RPRD1B: variants seen among roughly 807,000 people sequenced by gnomAD.
RPRD1B encodes regulation of nuclear pre-mRNA domain-containing protein 1B.
Under a neutral mutation model 41.5 loss-of-function variants are expected in RPRD1B, and 11 were observed. The observed-to-expected ratio is 0.27, with a 90% confidence interval of 0.17 to 0.44. The LOEUF is 0.44. Ranked by LOEUF, RPRD1B falls within the 20% of genes least tolerant of loss-of-function variation. The probability of loss-of-function intolerance (pLI) is 1.00; values close to 1 mark genes in which losing one functional copy is unlikely to be tolerated. For missense variants in RPRD1B, 248 were observed against 389.9 expected (o/e 0.64, Z 3.06); for synonymous variants, 158 against 155.6 (o/e 1.02, Z -0.12).
chr20:38,090,541 T>C lies in RPRD1B; in HGVS notation c.*666T>C. The C allele has an allele frequency of 1.0e-6, 1 of 985,902 alleles. No individual in the cohort carries two copies. Among genetic ancestry groups the C allele is most frequent in the Non-Finnish European group, 1.2e-6 (1 of 829,936 alleles). The allele number at this position is 985,902 out of a possible 1,614,324, so 61.1% of individuals were successfully genotyped here. A position where few individuals can be genotyped will look rare whatever the true frequency, so the allele number is the denominator to read the frequency against. The stretch of plus-strand genomic sequence containing the variant: ...ATAAAGGCACAGTTCAGAGACAGAA[T>C]AACAGGGATCACAAGCATGAATTAA... On this transcript the variant is annotated 3_prime_UTR_variant, in exon 7 of 7. Transcript: ENST00000373433.
chr20:38,090,135 C>T lies in RPRD1B; in HGVS notation c.*260C>T, dbSNP rs541371626. On this transcript the variant is annotated 3_prime_UTR_variant, in exon 7 of 7. Coordinates refer to ENST00000373433, the MANE Select transcript of RPRD1B (RefSeq NM_021215.4). ...TCTCCCACTTCATATTTTCATGCCC[C>T]CCTGTTGGTTTTCCATTCTTAACTG... 6.2e-5 allele frequency: 73 copies of T among 1,182,068 alleles called. No individual in the cohort carries two copies. Among genetic ancestry groups the T allele is most frequent in the Middle Eastern group, 3.5e-4 (1 of 2,890 alleles). The allele number at this position is 1,182,068 out of a possible 1,614,324, so 73.2% of individuals were successfully genotyped here. A position where few individuals can be genotyped will look rare whatever the true frequency, so the allele number is the denominator to read the frequency against.
At chr20:38,079,804 C>T (rs1396777860) in intron 6 of RPRD1B, among the ~76,000 whole-genome samples, 2 of 152,194 alleles carry the variant, frequency 1.3e-5, no homozygotes, top group East Asian at 1.9e-4. Context: ...CTCCAGACTG[C>T]TTTCCACAGT....
intron 5 of RPRD1B, among the ~76,000 whole-genome samples, chr20:38,063,251 C>T (rs2074318842): frequency 1.3e-5 from 2 of 152,194 alleles, no homozygotes; most frequent in East Asian, 1.9e-4. Context: ...TGATCCCCCC[C>T]ACCTTCCAGT....
chr20:38,084,598 T>A (rs886842232), intron 6 of RPRD1B, among the ~76,000 whole-genome samples: 3 of 152,198 alleles, frequency 2.0e-5, no homozygotes, highest in African/African-American at 4.8e-5. Flanking sequence ...CAGGTCTGGC[T>A]TACTTCTCTA....
At chr20:38,087,756 T>A (rs1215433605) in intron 6 of RPRD1B, among the ~76,000 whole-genome samples, 7 of 152,164 alleles carry the variant, frequency 4.6e-5, no homozygotes, top group Non-Finnish European at 7.3e-5. Flanking sequence ...ATCCTCAAAT[T>A]TGAAAATAGT....
rs1009372282 is a variant in RPRD1B at position 38,066,095 on chromosome 20, G to A, written c.670G>A (p.Glu224Lys). Residue 224 changes from glutamate (E) to lysine (K), a missense_variant, in exon 6 of 7, where the codon GAA (glutamate) becomes AAA (lysine). Physicochemically the swap from Glu to Lys is moderately conservative, Grantham distance 56. Transcript: ENST00000373433. ...LEKITDKEAA[E>K]RLSKTVDEAC... ...TTTGTACTTAGACAAAGAGGCAGCT[G>A]AACGTCTTTCAAAAACAGTAGATGA... is the stretch of plus-strand genomic sequence containing the variant. 6.2e-7 allele frequency: 1 copy of A among 1,613,990 alleles called. No homozygotes were observed. Among genetic ancestry groups the A allele is most frequent in the African/African-American group, 1.3e-5 (1 of 74,906 alleles).
At chr20:38,071,802 G>T (rs757967109) in intron 6 of RPRD1B, among the ~76,000 whole-genome samples, 1 of 152,130 alleles carries the variant, frequency 6.6e-6, no homozygotes, top group Non-Finnish European at 1.5e-5. Context: ...TCATCTTTCA[G>T]TATGCTTGTC....
Position 38,067,230 on chromosome 20 carries a change from G to A in RPRD1B, c.831+974G>A, listed in dbSNP as rs115748780. ...GTACTTGCTCCCGTGGGATAACAGAGCCAGCAGTGTGGATTTTTGGGAACT... is the reference window on the plus strand; with the variant it reads ...GTACTTGCTCCCGTGGGATAACAGAACCAGCAGTGTGGATTTTTGGGAACT... On this transcript the variant is annotated intron_variant, in intron 6 of 6. Coordinates refer to ENST00000373433, the MANE Select transcript of RPRD1B (RefSeq NM_021215.4). Among the ~76,000 whole-genome samples, 1,267 of 152,292 alleles carry A rather than the reference G, an allele frequency of 8.3e-3. 10 individuals carry two copies. The highest frequency in any genetic ancestry group is 0.025 in the African/African-American group (1,039 of 41,556).
chr20:38,091,076 A>G lies in RPRD1B; in HGVS notation c.*1201A>G. 1.0e-6 allele frequency: 1 copy of G among 985,828 alleles called. No homozygotes were observed. Among genetic ancestry groups the G allele is most frequent in the Non-Finnish European group, 1.2e-6 (1 of 829,906 alleles). The allele number at this position is 985,828 out of a possible 1,614,324, so 61.1% of individuals were successfully genotyped here. A position where few individuals can be genotyped will look rare whatever the true frequency, so the allele number is the denominator to read the frequency against. Reference sequence around the variant, plus strand: ...TATAATGTAGTTAGAGACAATTTTTATCTTGCTTATAGTAAAGGTTCAGCC... The same window carrying G: ...TATAATGTAGTTAGAGACAATTTTTGTCTTGCTTATAGTAAAGGTTCAGCC... On this transcript the variant is annotated 3_prime_UTR_variant, in exon 7 of 7. Transcript: ENST00000373433.
At chr20:38,044,946 T>A (rs2074106494) in intron 2 of RPRD1B, among the ~76,000 whole-genome samples, 1 of 152,172 alleles carries the variant, frequency 6.6e-6, no homozygotes, top group Non-Finnish European at 1.5e-5. Context: ...TACAAATTAC[T>A]GTGGTTGTAC....
chr20:38,089,791 C>T lies in RPRD1B; in HGVS notation c.897C>T (p.Ser299=), dbSNP rs1568666122. The T allele has an allele frequency of 1.2e-6, 2 of 1,614,218 alleles. No individual in the cohort carries two copies. Among genetic ancestry groups the T allele is most frequent in the Non-Finnish European group, 1.7e-6 (2 of 1,180,038 alleles). Residue 299 remains serine (S), a synonymous_variant, in exon 7 of 7, where the codon AGC becomes AGT. Transcript: ENST00000373433. The stretch of plus-strand genomic sequence containing the variant: ...AGGAACTGAAATCCCATATTCAGAG[C>T]TTGCCAGACCTCTCACTGCTGCCCA... ...VRKELKSHIQ[S]LPDLSLLPNV...
At chr20:38,055,416 A>G (rs1056911526) in intron 3 of RPRD1B, among the ~76,000 whole-genome samples, 2 of 151,090 alleles carry the variant, frequency 1.3e-5, no homozygotes, top group Admixed American at 1.3e-4. Context: ...TGCTTTCAGT[A>G]TTGTAAAATA....
chr20:38,043,287 T>G lies in RPRD1B; in HGVS notation c.281+2723T>G, dbSNP rs147545573. The stretch of plus-strand genomic sequence containing the variant: ...CTTAAGGCAGAGATCATCTTGGCCT[T>G]CTAAGAGAAACAGAATGAAGGCTGG... On this transcript the variant is annotated intron_variant, in intron 2 of 6. Coordinates refer to ENST00000373433, the MANE Select transcript of RPRD1B (RefSeq NM_021215.4). Among the ~76,000 whole-genome samples, 1,086 of 152,242 alleles carry G rather than the reference T, an allele frequency of 7.1e-3. 5 individuals carry two copies. The highest frequency in any genetic ancestry group is 0.021 in the African/African-American group (868 of 41,526).
intron 3 of RPRD1B, among the ~76,000 whole-genome samples, chr20:38,056,331 C>T (rs2074240415): frequency 6.6e-6 from 1 of 151,938 alleles, no homozygotes; most frequent in Non-Finnish European, 1.5e-5. Flanking sequence ...GCGGAAGTTG[C>T]AGTGAGCTGA....
intron 6 of RPRD1B, among the ~76,000 whole-genome samples, chr20:38,069,339 C>G (rs2074389399): frequency 6.6e-6 from 1 of 152,104 alleles, no homozygotes; most frequent in African/African-American, 2.4e-5. Flanking sequence ...ACCACTTGAT[C>G]GTACATAATG....
In RPRD1B at chr20:38,074,985, T is replaced by G. The variant is rs181679887; in HGVS notation, c.831+8729T>G. ...CTTGTAAATAAAAACTTTATAAACATTGTAAATGATTGCTTGAATACCTGT... is the reference window on the plus strand; with the variant it reads ...CTTGTAAATAAAAACTTTATAAACAGTGTAAATGATTGCTTGAATACCTGT... On this transcript the variant is annotated intron_variant, in intron 6 of 6. Transcript: ENST00000373433. Among the ~76,000 whole-genome samples, 37 of 152,358 alleles carry G rather than the reference T, an allele frequency of 2.4e-4. No individual in the cohort carries two copies. In the East Asian group the frequency reaches 7.1e-3, roughly 29 times the overall value.
chr20:38,041,969 C>G (rs755887712), intron 2 of RPRD1B, among the ~76,000 whole-genome samples: 1 of 152,126 alleles, frequency 6.6e-6, no homozygotes, highest in African/African-American at 2.4e-5. Flanking sequence ...TATATAGCCT[C>G]CATGTAAGTG....
At chr20:38,050,329 A>G (rs1458989817) in intron 3 of RPRD1B, among the ~76,000 whole-genome samples, 1 of 152,236 alleles carries the variant, frequency 6.6e-6, no homozygotes, top group African/African-American at 2.4e-5. Flanking sequence ...TGGTGTTGCT[A>G]GAAGATAATT....
intron 6 of RPRD1B, among the ~76,000 whole-genome samples, chr20:38,088,897 G>C (rs563173940): frequency 6.6e-6 from 1 of 152,294 alleles, no homozygotes; most frequent in South Asian, 2.1e-4. Context: ...AAGGAGCAGA[G>C]GAGTGGAGGC....
Sources: gnomAD v4.1 joint callset for allele counts (sites outside exome capture counted in the v4.1 genomes callset) on GRCh38, gnomAD v4.1.1 for gene constraint, MANE v1.5 for transcripts, NCBI Gene and HGNC (gene_info 2026-07-23, HGNC 2026-07-21) for gene names.